ZMAT4: variants seen among roughly 807,000 people sequenced by gnomAD.
ZMAT4 encodes the protein zinc finger matrin-type protein 4.
A neutral mutation model predicts 28.7 loss-of-function variants in ZMAT4; 17 were observed. The observed-to-expected ratio is 0.59, with a 90% CI of 0.41 to 0.89. ZMAT4 has a LOEUF of 0.89. ZMAT4 is among the 40% of genes least tolerant of loss of function. The pLI, the probability that ZMAT4 is intolerant of heterozygous loss-of-function variation, is 0.00. For missense variants in ZMAT4, 240 were observed against 283.8 expected (o/e 0.85, Z 1.11); for synonymous variants, 117 against 109.2 (o/e 1.07, Z -0.44).
intron 5 of ZMAT4, among the ~76,000 whole-genome samples, chr8:40,588,356 A>G (rs1804738798): frequency 6.6e-6 from 1 of 152,082 alleles, no homozygotes; most frequent in South Asian, 2.1e-4. Flanking sequence ...GCTGGGGGAA[A>G]AATATTTGTA....
intron 2 of ZMAT4, among the ~76,000 whole-genome samples, chr8:40,808,155 C>T (rs894919513): frequency 6.6e-6 from 1 of 152,076 alleles, no homozygotes; most frequent in Non-Finnish European, 1.5e-5. Context: ...GATTGAAAAG[C>T]AGACACGAGG....
intron 6 of ZMAT4, among the ~76,000 whole-genome samples, chr8:40,562,014 G>A (rs1803760191): frequency 6.6e-6 from 1 of 152,122 alleles, no homozygotes; most frequent in Non-Finnish European, 1.5e-5. Context: ...AAGTCAGTCA[G>A]GTGCAATGCC....
rs114945176 is a variant in ZMAT4 at position 40,679,500 on chromosome 8, T to G, written c.350-4569A>C. ...GGCAGAAGTGGAAGAAAACACGTCCTTCTTCACATGGCAGCAGGAAGGAGA... is the reference window on the plus strand; with the variant it reads ...GGCAGAAGTGGAAGAAAACACGTCCGTCTTCACATGGCAGCAGGAAGGAGA... On this transcript the variant is annotated intron_variant, in intron 4 of 6. Transcript: ENST00000297737. Among the ~76,000 whole-genome samples, 814 of 152,224 alleles carry G rather than the reference T, an allele frequency of 5.3e-3. 6 individuals carry two copies. Among genetic ancestry groups the G allele is most frequent in the African/African-American group, 0.019 (782 of 41,538 alleles).
chr8:40,746,612 C>T (rs551506965), intron 3 of ZMAT4, among the ~76,000 whole-genome samples: 1 of 152,072 alleles, frequency 6.6e-6, no homozygotes, highest in African/African-American at 2.4e-5. Context: ...ACCTTGGCCT[C>T]CCAAAGTGCT....
Position 40,626,046 on chromosome 8 carries a change from G to T in ZMAT4, c.578-44785C>A, listed in dbSNP as rs150258500. Among the ~76,000 whole-genome samples the T allele has an allele frequency of 4.2e-3, 640 of 151,588 alleles. 7 individuals carry two copies. The highest frequency in any genetic ancestry group is 0.015 in the African/African-American group (616 of 41,286). On this transcript the variant is annotated intron_variant, in intron 5 of 6. Coordinates refer to ENST00000297737, the MANE Select transcript of ZMAT4 (RefSeq NM_024645.3). ...AATCGTTTGAACCCGGGAGGTGGAGGTTGCAGTGAGCTGAGATTGCGCCAT... is the reference window on the plus strand; with the variant it reads ...AATCGTTTGAACCCGGGAGGTGGAGTTTGCAGTGAGCTGAGATTGCGCCAT...
chr8:40,750,551 A>G (rs1269126198), intron 3 of ZMAT4, among the ~76,000 whole-genome samples: 2 of 152,232 alleles, frequency 1.3e-5, no homozygotes, highest in African/African-American at 2.4e-5. Context: ...TTAAAAGCGA[A>G]TGATACAAAT....
intron 5 of ZMAT4, among the ~76,000 whole-genome samples, chr8:40,623,138 C>T (rs1806256183): frequency 1.3e-5 from 2 of 152,046 alleles, no homozygotes; most frequent in Non-Finnish European, 2.9e-5. Flanking sequence ...CAGTGCAAAG[C>T]ACTGAGCAAA....
intron 5 of ZMAT4, among the ~76,000 whole-genome samples, chr8:40,646,544 A>G (rs572550694): frequency 6.6e-6 from 1 of 152,268 alleles, no homozygotes; most frequent in South Asian, 2.1e-4. Context: ...ATATTAACCA[A>G]TTTAAAATAA....
chr8:40,561,713 G>C (rs985903829), intron 6 of ZMAT4, among the ~76,000 whole-genome samples: 6 of 152,126 alleles, frequency 3.9e-5, no homozygotes, highest in African/African-American at 1.4e-4. Context: ...TGCGGCTCAG[G>C]ATGGCTTTGA....
intron 2 of ZMAT4, among the ~76,000 whole-genome samples, chr8:40,771,035 G>T (rs530351706): frequency 2.6e-5 from 4 of 151,990 alleles, no homozygotes; most frequent in African/African-American, 9.7e-5. Context: ...ATCCATTGCC[G>T]CATTACCTAA....
chr8:40,888,562 C>T (rs1048737764), intron 1 of ZMAT4: 4 of 152,306 alleles, frequency 2.6e-5, no homozygotes, highest in Admixed American at 2.0e-4. Context: ...CCATCAGAGC[C>T]GTCACCTGCA....
chr8:40,811,755 A>G (rs1464715554), intron 2 of ZMAT4, among the ~76,000 whole-genome samples: 15 of 152,210 alleles, frequency 9.9e-5, no homozygotes. Context: ...AGGAACATGG[A>G]TGGCTTTTGG....
chr8:40,546,830 C>G (rs1242855869), intron 6 of ZMAT4, among the ~76,000 whole-genome samples: 1 of 152,136 alleles, frequency 6.6e-6, no homozygotes, highest in Non-Finnish European at 1.5e-5. Context: ...GTACATAAAG[C>G]TGCGATGGAT....
In ZMAT4 at chr8:40,726,136, C is replaced by A. The variant is rs1043319625; in HGVS notation, c.193-28735G>T. ...AGGCTGGCACTTTCAGAATTAAAGA[C>A]TTTTCCATTTCCCTAATTAGAACAG... On this transcript the variant is annotated intron_variant, in intron 3 of 6. Transcript: ENST00000297737. Among the ~76,000 whole-genome samples the A allele has an allele frequency of 2.6e-5, 4 of 152,214 alleles. 1 individual carries two copies. Among genetic ancestry groups the A allele is most frequent in the Admixed American group, 1.3e-4 (2 of 15,276 alleles).
intron 5 of ZMAT4, among the ~76,000 whole-genome samples, chr8:40,673,138 T>C (rs1808751044): frequency 6.6e-6 from 1 of 152,210 alleles, no homozygotes. Flanking sequence ...TGTCTCTAGC[T>C]TGTTTCCTGA....
intron 3 of ZMAT4, among the ~76,000 whole-genome samples, chr8:40,708,571 T>TTCTCTCTC (rs36210172): frequency 0.13 from 15,458 of 120,648 alleles, 1,435 homozygotes; most frequent in Middle Eastern, 0.2. Flanking sequence ...TACACACTCT[T>TTCTCTCTC]TCTCTCTCTC....
chr8:40,624,376 T>G (rs920246326), intron 5 of ZMAT4, among the ~76,000 whole-genome samples: 1 of 152,198 alleles, frequency 6.6e-6, no homozygotes, highest in African/African-American at 2.4e-5. Flanking sequence ...CCTGATGGCA[T>G]GCTGATCTTT....
intron 5 of ZMAT4, among the ~76,000 whole-genome samples, chr8:40,589,800 T>TTTTCTTTC (rs765193324): frequency 7.8e-6 from 1 of 128,058 alleles, no homozygotes; most frequent in African/African-American, 3.3e-5. Flanking sequence ...TTCTTTTTCT[T>TTTTCTTTC]TGTCTTTCCT....
chr8:40,673,761 G>A (rs993201382), intron 5 of ZMAT4, among the ~76,000 whole-genome samples: 13 of 152,126 alleles, frequency 8.5e-5, no homozygotes, highest in Admixed American at 2.6e-4. Context: ...GCTTCCTAAG[G>A]AATCCACAGA....
Sources: allele counts gnomAD v4.1 joint callset (sites outside exome capture counted in the v4.1 genomes callset), GRCh38; gene constraint gnomAD v4.1.1; transcripts MANE v1.5; gene names NCBI Gene and HGNC (gene_info 2026-07-23, HGNC 2026-07-21).